STAG1: variants seen among roughly 807,000 people sequenced by gnomAD.
STAG1 encodes the protein cohesin subunit SA-1.
STAG1 carries 26 observed loss-of-function variants against 170.9 expected under a neutral mutation model. The observed-to-expected ratio is 0.15, with a 90% CI of 0.11 to 0.21. The LOEUF (loss-of-function observed/expected upper bound fraction) is 0.21. Among genes scored for constraint, STAG1 ranks in the 10% least tolerant of loss-of-function variants. STAG1 has a pLI of 1.00. For synonymous variants in STAG1, 514 were observed against 497.7 expected, an observed-to-expected ratio of 1.03 and a Z score of -0.44; for missense variants, 964 against 1,509.5, an observed-to-expected ratio of 0.64 and a Z score of 5.99.
At chr3:136,381,119 T>C (rs1041950512) in intron 22 of STAG1, among the ~76,000 whole-genome samples, 7 of 151,492 alleles carry the variant, frequency 4.6e-5, no homozygotes, top group Admixed American at 3.9e-4. Context: ...AGATCCCTAA[T>C]AGATATCTTG....
intron 23 of STAG1, among the ~76,000 whole-genome samples, chr3:136,372,270 A>C (rs556131350): frequency 6.6e-6 from 1 of 152,136 alleles, no homozygotes; most frequent in Non-Finnish European, 1.5e-5. Context: ...GGGTTTTCTA[A>C]ATATACAATC....
intron 16 of STAG1, among the ~76,000 whole-genome samples, chr3:136,430,644 G>T (rs1259622602): frequency 7.8e-6 from 1 of 128,660 alleles, no homozygotes; most frequent in Non-Finnish European, 1.7e-5. Context: ...AAAAAAAAAA[G>T]CGAAAATATC....
At chr3:136,464,222 G>A (rs575112787) in intron 13 of STAG1, among the ~76,000 whole-genome samples, 16 of 151,930 alleles carry the variant, frequency 1.1e-4, no homozygotes, top group African/African-American at 2.9e-4. Flanking sequence ...TCGGGAGTTC[G>A]ACACCGGCCT....
intron 6 of STAG1, among the ~76,000 whole-genome samples, chr3:136,526,309 T>C (rs1230508992): frequency 2.0e-5 from 3 of 152,224 alleles, no homozygotes; most frequent in Non-Finnish European, 1.5e-5. Context: ...TTTAGGATAG[T>C]TAGCTCTTCT....
intron 1 of STAG1, among the ~76,000 whole-genome samples, chr3:136,689,104 G>C (rs1299941039): frequency 6.6e-6 from 1 of 152,224 alleles, no homozygotes; most frequent in Non-Finnish European, 1.5e-5. Flanking sequence ...TGAACTTCAA[G>C]GGGAGTTCCC....
chr3:136,534,440 C>T (rs951517143), intron 6 of STAG1, among the ~76,000 whole-genome samples: 4 of 151,766 alleles, frequency 2.6e-5, no homozygotes, highest in Non-Finnish European at 4.4e-5. Context: ...TAAAAAAGCA[C>T]AGCAAGCAAA....
At chr3:136,569,846 T>TA (rs1282323175) in intron 4 of STAG1, among the ~76,000 whole-genome samples, 7 of 151,468 alleles carry the variant, frequency 4.6e-5, no homozygotes, top group Non-Finnish European at 8.8e-5. Context: ...TTACAGGATA[T>TA]TAAAAAAAGA....
chr3:136,357,195 G>A (rs753098698), intron 28 of STAG1, among the ~76,000 whole-genome samples: 9 of 152,170 alleles, frequency 5.9e-5, no homozygotes, highest in East Asian at 1.9e-4. Flanking sequence ...TGATCCGCCC[G>A]TCTCGGCCTC....
At chr3:136,729,411 T>C (rs1446833528) in intron 1 of STAG1, among the ~76,000 whole-genome samples, 2 of 152,130 alleles carry the variant, frequency 1.3e-5, no homozygotes, top group African/African-American at 2.4e-5. Flanking sequence ...AGAGAATTAA[T>C]TATATTCAAA....
chr3:136,439,476 T>G (rs2088570755), intron 15 of STAG1, among the ~76,000 whole-genome samples: 1 of 146,892 alleles, frequency 6.8e-6, no homozygotes, highest in Non-Finnish European at 1.5e-5. Flanking sequence ...CCACTGTGAT[T>G]TAAACTGATG....
chr3:136,736,722 T>C (rs1934357118), intron 1 of STAG1: 21 of 1,603,262 alleles, frequency 1.3e-5, no homozygotes, highest in Non-Finnish European at 1.6e-5. Context: ...TCTCTCTCTT[T>C]CCTTTTAATT....
At chr3:136,466,131 C>G (rs1336191943) in intron 12 of STAG1, among the ~76,000 whole-genome samples, 1 of 152,164 alleles carries the variant, frequency 6.6e-6, no homozygotes, top group Non-Finnish European at 1.5e-5. Flanking sequence ...TCCTCACCAG[C>G]AACAGAACAA....
At chr3:136,727,988 T>C (rs1338126114) in intron 1 of STAG1, among the ~76,000 whole-genome samples, 4 of 152,036 alleles carry the variant, frequency 2.6e-5, no homozygotes, top group Non-Finnish European at 4.4e-5. Context: ...TGAAACCCCA[T>C]CTCTACTAAA....
intron 12 of STAG1, 142 bp from the exon 13 acceptor site, chr3:136,465,130 GT>G (rs1393241789): frequency 5.6e-6 from 3 of 532,622 alleles, no homozygotes; most frequent in Non-Finnish European, 9.4e-6. Context: ...TGAAAGTAAT[GT>G]TTCCCCTTTA....
Position 136,521,371 on chromosome 3 carries a change from T to C in STAG1, c.518A>G (p.Lys173Arg), listed in dbSNP as rs906524726. The C allele has an allele frequency of 6.2e-7, 1 of 1,613,602 alleles. No individual in the cohort carries two copies. Among genetic ancestry groups the C allele is most frequent in the Admixed American group, 1.7e-5 (1 of 59,946 alleles). ...AAATTCACAAAAGTTTGAACGAAAT[T>C]TTTTCCACTGAGGTCCAGGCATGGT... is the stretch of plus-strand genomic sequence containing the variant. Reference protein sequence around the residue: ...PLTMPGPQWKKFRSNFCEFIG... With the variant: ...PLTMPGPQWKRFRSNFCEFIG... Residue 173 changes from lysine (K) to arginine (R), a missense_variant, in exon 7 of 34, where the codon AAA becomes AGA. Lys to Arg is a conservative substitution (Grantham distance 26). Around this residue, in one of 11 missense-constraint regions of STAG1, gnomAD observed 40 missense variants for 44.1 expected, o/e 0.91. Coordinates refer to ENST00000383202, the MANE Select transcript of STAG1 (RefSeq NM_005862.3).
intron 1 of STAG1, among the ~76,000 whole-genome samples, chr3:136,722,892 C>T (rs1327336414): frequency 1.3e-5 from 2 of 152,200 alleles, no homozygotes; most frequent in Non-Finnish European, 2.9e-5. Flanking sequence ...CGGGGTTTCG[C>T]TGTGTTGGCC....
chr3:136,630,710 G>A (rs756261552), intron 2 of STAG1, among the ~76,000 whole-genome samples, 160 bp downstream of exon 2: 2 of 152,024 alleles, frequency 1.3e-5, no homozygotes. Flanking sequence ...GAATGGATAC[G>A]GTAATTACAC....
intron 1 of STAG1, among the ~76,000 whole-genome samples, chr3:136,638,401 C>T (rs1357294883): frequency 6.6e-6 from 1 of 152,116 alleles, no homozygotes; most frequent in Admixed American, 6.5e-5. Flanking sequence ...TCCCAAAGTG[C>T]TGGGATTACA....
chr3:136,682,090 T>C (rs1942355989), intron 1 of STAG1, among the ~76,000 whole-genome samples: 1 of 152,080 alleles, frequency 6.6e-6, no homozygotes, highest in Admixed American at 6.6e-5. Context: ...AAACTATCTC[T>C]ATTTGCAGAA....
Sources: allele counts gnomAD v4.1 joint callset (sites outside exome capture counted in the v4.1 genomes callset), GRCh38; gene constraint gnomAD v4.1.1; regional missense constraint gnomAD v4.1.1; transcripts MANE v1.5; gene names NCBI Gene and HGNC (gene_info 2026-07-23, HGNC 2026-07-21).